BMP5: variants seen among roughly 807,000 people sequenced by gnomAD.
BMP5 encodes the protein bone morphogenetic protein 5.
A neutral mutation model predicts 46.6 loss-of-function variants in BMP5; 23 were observed. The observed-to-expected ratio is 0.49, with a 90% CI of 0.35 to 0.70. The LOEUF (loss-of-function observed/expected upper bound fraction) is 0.70, where lower values mean the gene tolerates loss of function less well. BMP5 is among the 30% of genes least tolerant of loss of function. BMP5 has a pLI of 0.00. For synonymous variants in BMP5, 204 were observed against 191.9 expected, an observed-to-expected ratio of 1.06 and a Z score of -0.52; for missense variants, 545 against 565.6, an observed-to-expected ratio of 0.96 and a Z score of 0.37.
intron 1 of BMP5, among the ~76,000 whole-genome samples, chr6:55,822,163 A>C (rs979274290): frequency 2.6e-5 from 4 of 152,158 alleles, no homozygotes; most frequent in Non-Finnish European, 4.4e-5. Flanking sequence ...GGTGTCACCA[A>C]TCCATGGTTG....
intron 1 of BMP5, among the ~76,000 whole-genome samples, chr6:55,841,865 A>C (rs1050017500): frequency 6.6e-6 from 1 of 152,102 alleles, no homozygotes; most frequent in African/African-American, 2.4e-5. Flanking sequence ...TACAGCTTCA[A>C]CATATGAATT....
chr6:55,849,872 C>A (rs1199472600), intron 1 of BMP5, among the ~76,000 whole-genome samples: 1 of 152,036 alleles, frequency 6.6e-6, no homozygotes, highest in Non-Finnish European at 1.5e-5. Context: ...TAGATGAGGA[C>A]TATTTCTATC....
intron 1 of BMP5, among the ~76,000 whole-genome samples, chr6:55,864,027 C>A (rs909307376): frequency 1.3e-5 from 2 of 151,708 alleles, no homozygotes; most frequent in Non-Finnish European, 2.9e-5. Flanking sequence ...ACCGTGAATG[C>A]ATCACACATA....
intron 1 of BMP5, among the ~76,000 whole-genome samples, chr6:55,837,320 C>T (rs1776827759): frequency 7.4e-6 from 1 of 135,772 alleles, no homozygotes; most frequent in African/African-American, 2.9e-5. Context: ...CTCTTTATAT[C>T]CTTATAAAAC....
intron 3 of BMP5, among the ~76,000 whole-genome samples, chr6:55,785,488 G>A (rs182094943): frequency 1.7e-4 from 26 of 151,850 alleles, no homozygotes; most frequent in Non-Finnish European, 2.8e-4. Flanking sequence ...TATGTTCTCC[G>A]ATGTGCTTTA....
intron 1 of BMP5, among the ~76,000 whole-genome samples, chr6:55,841,597 G>C (rs572439887): frequency 1.5e-5 from 2 of 132,610 alleles, no homozygotes; most frequent in East Asian, 4.2e-4. Context: ...AGGTCTGGTG[G>C]TGGTGTTTGT....
rs1774519608 is a variant in BMP5, at chr6:55,754,079, G to A, written c.*1454C>T. The A allele has an allele frequency of 6.6e-6, 1 of 151,764 alleles. No homozygotes were observed. Among genetic ancestry groups the A allele is most frequent in the South Asian group, 2.1e-4 (1 of 4,826 alleles). 9.4% of individuals were successfully genotyped at this position (151,764 alleles called of 1,614,324 possible). ...TTACAAACAAAGCCATAACATTTTT[G>A]AAGACATTTTTGGTATACGTTTGGT... On this transcript the variant is annotated 3_prime_UTR_variant, in exon 7 of 7. Transcript: ENST00000370830.
intron 1 of BMP5, among the ~76,000 whole-genome samples, chr6:55,849,346 T>A (rs7749809): frequency 0.41 from 61,712 of 151,850 alleles, 13,147 homozygotes; most frequent in African/African-American, 0.52. Flanking sequence ...TGAACATACA[T>A]ATATGCAGAC....
chr6:55,804,999 T>C (rs1052901871), intron 2 of BMP5, among the ~76,000 whole-genome samples: 19 of 152,278 alleles, frequency 1.2e-4, no homozygotes, highest in African/African-American at 4.6e-4. Context: ...ACACTATCCT[T>C]AGAGTTCAAA....
chr6:55,755,972 G>A (rs1453553484), intron 6 of BMP5, among the ~76,000 whole-genome samples: 2 of 151,914 alleles, frequency 1.3e-5, no homozygotes, highest in African/African-American at 4.8e-5. Flanking sequence ...CCTAGGGAAA[G>A]AACACAGCAA....
At chr6:55,778,196 C>A (rs1775223640) in intron 3 of BMP5, among the ~76,000 whole-genome samples, 1 of 151,936 alleles carries the variant, frequency 6.6e-6, no homozygotes, top group African/African-American at 2.4e-5. Flanking sequence ...ATATCCATGT[C>A]TTGATGTGGA....
At chr6:55,774,312 T>A (rs1231756506) in intron 3 of BMP5, 69 bp from the exon 4 acceptor site, 1 of 1,461,226 alleles carries the variant, frequency 6.8e-7, no homozygotes, top group Non-Finnish European at 9.6e-7. Flanking sequence ...GAATGAATTC[T>A]GAGGGTACTT....
chr6:55,845,745 C>T (rs1777082784), intron 1 of BMP5, among the ~76,000 whole-genome samples: 1 of 151,898 alleles, frequency 6.6e-6, no homozygotes, highest in African/African-American at 2.4e-5. Flanking sequence ...GGAGGTTACA[C>T]CATGAACCCC....
At chr6:55,813,089 T>C (rs1776172474) in intron 2 of BMP5, among the ~76,000 whole-genome samples, 1 of 152,188 alleles carries the variant, frequency 6.6e-6, no homozygotes, top group African/African-American at 2.4e-5. Context: ...ATACCTTCCA[T>C]GGCTTAAGAA....
chr6:55,794,002 C>T (rs114591290), intron 3 of BMP5, among the ~76,000 whole-genome samples: 41 of 152,282 alleles, frequency 2.7e-4, no homozygotes, highest in African/African-American at 9.6e-4. Flanking sequence ...TACTTACTTA[C>T]ATATACAGGT....
intron 4 of BMP5, among the ~76,000 whole-genome samples, chr6:55,760,780 T>G (rs1774755479): frequency 6.6e-6 from 1 of 151,996 alleles, no homozygotes; most frequent in African/African-American, 2.4e-5. Context: ...ATGGATTCTG[T>G]TAAGCCATCT....
chr6:55,803,978 C>G (rs552860024), intron 2 of BMP5, among the ~76,000 whole-genome samples: 1 of 152,018 alleles, frequency 6.6e-6, no homozygotes, highest in East Asian at 1.9e-4. Flanking sequence ...AACAGCCTTA[C>G]AAGAACTATT....
At chr6:55,791,812 TTTAG>T (rs776499474) in intron 3 of BMP5, among the ~76,000 whole-genome samples, 2 of 152,086 alleles carry the variant, frequency 1.3e-5, no homozygotes, top group Non-Finnish European at 2.9e-5. Context: ...TCTTGATTTG[TTTAG>T]TTAGACATTT....
chr6:55,874,763 G>A lies in BMP5; in HGVS notation c.103C>T (p.His35Tyr). Residue 35 changes from histidine to tyrosine, a missense_variant, in exon 1 of 7, where the codon CAC becomes TAC. By Grantham distance (83) the His-to-Tyr change is moderately conservative. Coordinates refer to ENST00000370830, the MANE Select transcript of BMP5 (RefSeq NM_021073.4). Reference sequence around the variant, plus strand: ...AGTCTTCTATAAATAAAACTGGAGTGAACATGATTGTCTCCCAAACCTCCT... The same window carrying A: ...AGTCTTCTATAAATAAAACTGGAGTAAACATGATTGTCTCCCAAACCTCCT... ...AKGGLGDNHV[H>Y]SSFIYRRLRN... 1 of 1,613,388 alleles carries A rather than the reference G, an allele frequency of 6.2e-7. No individual in the cohort carries two copies. The highest frequency in any genetic ancestry group is 8.5e-7 in the Non-Finnish European group (1 of 1,179,614).
Sources: allele counts gnomAD v4.1 joint callset (sites outside exome capture counted in the v4.1 genomes callset), GRCh38; gene constraint gnomAD v4.1.1; transcripts MANE v1.5; gene names NCBI Gene and HGNC (gene_info 2026-07-23, HGNC 2026-07-21).